B3GALT1: variants seen among roughly 807,000 people sequenced by gnomAD.
The protein encoded by B3GALT1 is beta-1,3-galactosyltransferase 1, also known as UDP-Gal:betaGlcNAc beta 1,3-galactosyltransferase, polypeptide 1.
Under a neutral mutation model 23.2 loss-of-function variants are expected in B3GALT1, and 10 were observed. That is an observed-to-expected ratio of 0.43 (90% CI 0.27 to 0.73). The LOEUF (loss-of-function observed/expected upper bound fraction) is 0.73, where lower values mean the gene tolerates loss of function less well. B3GALT1 is among the 30% of genes least tolerant of loss of function. The probability of loss-of-function intolerance (pLI) is 0.21; values close to 1 mark genes in which losing one functional copy is unlikely to be tolerated. For synonymous variants in B3GALT1, 156 were observed against 141.5 expected (o/e 1.10, Z -0.73); for missense variants, 299 against 405.4 (o/e 0.74, Z 2.25).
chr2:167,724,219 A>G (rs1200232250), intron 3 of B3GALT1, among the ~76,000 whole-genome samples: 1 of 152,176 alleles, frequency 6.6e-6, no homozygotes, highest in African/African-American at 2.4e-5. Context: ...GCCCATCAAT[A>G]TTATCTACAA....
At chr2:167,658,940 A>T (rs1478134301) in intron 3 of B3GALT1, among the ~76,000 whole-genome samples, 1 of 152,154 alleles carries the variant, frequency 6.6e-6, no homozygotes, top group Non-Finnish European at 1.5e-5. Flanking sequence ...GATTTTTATC[A>T]TAAAGGTGAT....
At chr2:167,521,019 C>T (rs1700179705) in intron 2 of B3GALT1, among the ~76,000 whole-genome samples, 2 of 152,068 alleles carry the variant, frequency 1.3e-5, no homozygotes, top group South Asian at 4.1e-4. Context: ...TGGTCTGCTA[C>T]TGTGGACTTC....
chr2:167,554,427 G>A (rs1190142307), intron 2 of B3GALT1, among the ~76,000 whole-genome samples: 4 of 152,118 alleles, frequency 2.6e-5, no homozygotes, highest in Non-Finnish European at 4.4e-5. Context: ...ATGAACCAGC[G>A]GTAGGATGAC....
intron 1 of B3GALT1, among the ~76,000 whole-genome samples, chr2:167,354,636 T>C (rs1206894068): frequency 6.6e-6 from 1 of 152,138 alleles, no homozygotes; most frequent in Non-Finnish European, 1.5e-5. Flanking sequence ...TGAGCCACTT[T>C]GCCCGGCCAA....
chr2:167,680,573 A>G lies in B3GALT1; in HGVS notation c.-352+33607A>G, dbSNP rs564174835. Among the ~76,000 whole-genome samples the G allele has an allele frequency of 5.2e-5, 5 of 97,062 alleles. No individual in the cohort carries two copies. The East Asian group carries it at 8.3e-4, about 16-fold the overall frequency. 63.7% of individuals were successfully genotyped at this position (97,062 alleles called of 152,430 possible). On this transcript the variant is annotated intron_variant, in intron 3 of 4. Transcript: ENST00000392690. ...TCCCTCTATTTTTATCCTGTTTTTAAGTAGTCAAACTGTTTTCCCAACATT... is the reference window on the plus strand; with the variant it reads ...TCCCTCTATTTTTATCCTGTTTTTAGGTAGTCAAACTGTTTTCCCAACATT...
chr2:167,350,556 CACATCTAGT>C (rs1697294277), intron 1 of B3GALT1, among the ~76,000 whole-genome samples: 1 of 152,158 alleles, frequency 6.6e-6, no homozygotes, highest in Admixed American at 6.5e-5. Context: ...TAACTTAGAG[CACATCTAGT>C]ACACCCCTGT....
In B3GALT1 at chr2:167,868,881, G is replaced by A. The variant is rs1283040835; in HGVS notation, c.-159G>A. The A allele has an allele frequency of 3.8e-6, 3 of 783,262 alleles. No homozygotes were observed. Among genetic ancestry groups the A allele is most frequent in the Non-Finnish European group, 6.0e-6 (3 of 498,442 alleles). The allele number at this position is 783,262 out of a possible 1,614,324, so 48.5% of individuals were successfully genotyped here. On this transcript the variant is annotated 5_prime_UTR_variant, in exon 5 of 5. It adds an upstream start codon to the 5' untranslated region. Coordinates refer to ENST00000392690, the MANE Select transcript of B3GALT1 (RefSeq NM_020981.4). The stretch of plus-strand genomic sequence containing the variant: ...GGAAGAAAGTAGAATGAGCGCAGAG[G>A]TGACAGACAGCCACTGAGGCCCATG...
At chr2:167,816,133 A>G (rs533003852) in intron 3 of B3GALT1, among the ~76,000 whole-genome samples, 1 of 152,190 alleles carries the variant, frequency 6.6e-6, no homozygotes, top group South Asian at 2.1e-4. Flanking sequence ...TTTCTATATT[A>G]TTCCTGTGAA....
chr2:167,319,111 CTT>C (rs766976064), intron 1 of B3GALT1, among the ~76,000 whole-genome samples: 5 of 152,102 alleles, frequency 3.3e-5, no homozygotes, highest in African/African-American at 4.8e-5. Flanking sequence ...TTTTAGGACT[CTT>C]TGTGGGGAAT....
intron 1 of B3GALT1, among the ~76,000 whole-genome samples, chr2:167,389,931 AAAAAAAG>A (rs566534253): frequency 2.9e-3 from 427 of 146,118 alleles, no homozygotes; most frequent in African/African-American, 0.011. Context: ...AAAACAAAAA[AAAAAAAG>A]AAAGAAAAGA....
At position 167,870,867 on chromosome 2, in the gene B3GALT1, A is replaced by G. The variant is rs1329458825; in HGVS notation, c.*847A>G. 6.0e-6 allele frequency: 1 copy of G among 167,050 alleles called. No individual in the cohort carries two copies. Among genetic ancestry groups the G allele is most frequent in the Non-Finnish European group, 1.5e-5 (1 of 68,130 alleles). 10.3% of individuals were successfully genotyped at this position (167,050 alleles called of 1,614,324 possible). A position where few individuals can be genotyped will look rare whatever the true frequency, so the allele number is the denominator to read the frequency against. The stretch of plus-strand genomic sequence containing the variant: ...TTGGATCTGGCAGGCATATGTCTCT[A>G]TGTAGAAAATAAGTTGGTTGGAGGC... On this transcript the variant is annotated 3_prime_UTR_variant, in exon 5 of 5. Transcript: ENST00000392690.
intron 2 of B3GALT1, among the ~76,000 whole-genome samples, chr2:167,541,896 C>CATG (rs1003850453): frequency 6.6e-5 from 10 of 152,060 alleles, no homozygotes; most frequent in Admixed American, 1.3e-4. Context: ...GAGGTCACAA[C>CATG]ATGAAGCTTT....
chr2:167,861,454 T>G (rs1209909480), intron 4 of B3GALT1, among the ~76,000 whole-genome samples: 1 of 152,130 alleles, frequency 6.6e-6, no homozygotes, highest in Non-Finnish European at 1.5e-5. Context: ...TGGCCACAGC[T>G]GGGAAACACA....
At chr2:167,742,683 A>G (rs1173966397) in intron 3 of B3GALT1, among the ~76,000 whole-genome samples, 1 of 152,162 alleles carries the variant, frequency 6.6e-6, no homozygotes, top group Non-Finnish European at 1.5e-5. Context: ...TTTAAGTATG[A>G]GCACAGAAAT....
chr2:167,416,403 G>A (rs930830388), intron 1 of B3GALT1, among the ~76,000 whole-genome samples: 1 of 152,232 alleles, frequency 6.6e-6, no homozygotes, highest in African/African-American at 2.4e-5. Context: ...CTGTAGGCTT[G>A]CAGAAAGAAA....
intron 3 of B3GALT1, among the ~76,000 whole-genome samples, chr2:167,761,571 G>A (rs1199490386): frequency 6.6e-6 from 1 of 152,138 alleles, no homozygotes; most frequent in South Asian, 2.1e-4. Context: ...CATGGGAAGA[G>A]GAGAGATTGT....
chr2:167,659,046 C>G (rs1686009769), intron 3 of B3GALT1, among the ~76,000 whole-genome samples: 1 of 152,046 alleles, frequency 6.6e-6, no homozygotes, highest in African/African-American at 2.4e-5. Context: ...TTAGTTATCA[C>G]TACTATTCAA....
At chr2:167,452,334 T>C (rs970596386) in intron 1 of B3GALT1, among the ~76,000 whole-genome samples, 1 of 152,198 alleles carries the variant, frequency 6.6e-6, no homozygotes, top group Non-Finnish European at 1.5e-5. Flanking sequence ...CAGTCAGAAA[T>C]GGCTTCCTTG....
At chr2:167,556,912 C>G (rs974319170) in intron 2 of B3GALT1, among the ~76,000 whole-genome samples, 2 of 152,130 alleles carry the variant, frequency 1.3e-5, no homozygotes, top group African/African-American at 4.8e-5. Flanking sequence ...AATGTTATGT[C>G]TGTTCTACAG....
Sources: allele counts gnomAD v4.1 joint callset (sites outside exome capture counted in the v4.1 genomes callset), GRCh38; gene constraint gnomAD v4.1.1; transcripts MANE v1.5; gene names NCBI Gene and HGNC (gene_info 2026-07-23, HGNC 2026-07-21).